The following CSMD2 variants were observed in gnomAD, a reference collection of about 807,000 sequenced individuals.
The protein encoded by CSMD2 is CUB and Sushi multiple domains 2, also known as CUB and sushi domain-containing protein 2.
A neutral mutation model predicts 398.5 loss-of-function variants in CSMD2; 130 were observed. The ratio of observed to expected loss-of-function variants is 0.33; its 90% CI spans 0.28 to 0.38. The LOEUF (loss-of-function observed/expected upper bound fraction) is 0.38, where lower values mean the gene tolerates loss of function less well. Among genes scored for constraint, CSMD2 ranks in the 10% least tolerant of loss-of-function variants. The probability of loss-of-function intolerance (pLI) is 1.00; values close to 1 mark genes in which losing one functional copy is unlikely to be tolerated. For synonymous variants in CSMD2, 1,828 were observed against 1,908.5 expected (o/e 0.96, Z 1.10); for missense variants, 3,829 against 4,764.9 (o/e 0.80, Z 5.78).
At chr1:33,948,352 AATGTCTTACAC>A (rs1644901527) in intron 3 of CSMD2, among the ~76,000 whole-genome samples, 1 of 152,134 alleles carries the variant, frequency 6.6e-6, no homozygotes, top group Non-Finnish European at 1.5e-5. Context: ...AAGACCCAAA[AATGTCTTACAC>A]AGAAACACAG....
intron 40 of CSMD2, among the ~76,000 whole-genome samples, chr1:33,613,377 C>T (rs1010375563): frequency 6.6e-6 from 1 of 152,198 alleles, no homozygotes; most frequent in Non-Finnish European, 1.5e-5. Context: ...ACAGGGTCTC[C>T]CAGATCCTCT....
At chr1:33,860,623 C>A (rs1425428678) in intron 5 of CSMD2, 2 of 152,154 alleles carry the variant, frequency 1.3e-5, no homozygotes, top group Admixed American at 6.5e-5. Flanking sequence ...TTTGTTTAAT[C>A]CTCATGGCTT....
chr1:34,060,294 G>A (rs1327466457), intron 2 of CSMD2, among the ~76,000 whole-genome samples: 1 of 152,228 alleles, frequency 6.6e-6, no homozygotes, highest in Non-Finnish European at 1.5e-5. Context: ...ATGCATAAGT[G>A]TGTGAGGGTG....
At chr1:33,645,221 G>A (rs1643350268) in intron 29 of CSMD2, among the ~76,000 whole-genome samples, 1 of 151,986 alleles carries the variant, frequency 6.6e-6, no homozygotes, top group Non-Finnish European at 1.5e-5. Flanking sequence ...ATTTTAGCTG[G>A]TAATGCGACC....
At chr1:33,849,332 C>A (rs1638530480) in intron 5 of CSMD2, among the ~76,000 whole-genome samples, 1 of 152,156 alleles carries the variant, frequency 6.6e-6, no homozygotes, top group African/African-American at 2.4e-5. Context: ...TGAAAGGAAC[C>A]AGCTACCAAT....
chr1:33,629,523 T>C (rs998940880), intron 32 of CSMD2, among the ~76,000 whole-genome samples: 31 of 152,282 alleles, frequency 2.0e-4, no homozygotes, highest in African/African-American at 7.2e-4. Flanking sequence ...ATCATAACTG[T>C]AATGGGAAAT....
At chr1:33,866,661 CT>C (rs1159806421) in intron 5 of CSMD2, among the ~76,000 whole-genome samples, 1 of 152,192 alleles carries the variant, frequency 6.6e-6, no homozygotes, top group Non-Finnish European at 1.5e-5. Flanking sequence ...GGTCTCACCC[CT>C]CACGGAGAGC....
chr1:33,660,699 C>T (rs1405211445), intron 26 of CSMD2, among the ~76,000 whole-genome samples: 1 of 152,164 alleles, frequency 6.6e-6, no homozygotes, highest in Non-Finnish European at 1.5e-5. Context: ...TGCTACTCTG[C>T]CTAAGCAATG....
intron 10 of CSMD2, chr1:33,804,883 C>G: frequency 1.4e-6 from 1 of 717,352 alleles, no homozygotes; most frequent in Admixed American, 2.0e-5. Context: ...TGTATGTTCC[C>G]TGGGTCTCCT....
Position 33,920,490 on chromosome 1 carries a change from C to T in CSMD2, c.713-2189G>A, listed in dbSNP as rs145007514. On this transcript the variant is annotated intron_variant, in intron 4 of 70. Transcript: ENST00000373381. ...CCAGGAGGTAGAGTTTGCAGTGAGC[C>T]GAGATTGTGCTATTGCACTCCAGCC... Among the ~76,000 whole-genome samples, 393 of 138,180 alleles carry T rather than the reference C, an allele frequency of 2.8e-3. 1 individual carries two copies. Among genetic ancestry groups the T allele is most frequent in the African/African-American group, 9.7e-3 (363 of 37,492 alleles). 90.7% of individuals were successfully genotyped at this position (138,180 alleles called of 152,430 possible).
chr1:33,887,755 T>C (rs2125194318), intron 5 of CSMD2, among the ~76,000 whole-genome samples: 1 of 152,230 alleles, frequency 6.6e-6, no homozygotes. Context: ...ATATAATAAT[T>C]CTGGAGGCAG....
chr1:33,962,589 C>T (rs1645402517), intron 3 of CSMD2, among the ~76,000 whole-genome samples: 2 of 152,160 alleles, frequency 1.3e-5, no homozygotes. Context: ...GAGGAAATGC[C>T]AGGTCCTTCC....
chr1:33,576,384 A>C (rs1489939057), intron 49 of CSMD2, among the ~76,000 whole-genome samples: 1 of 152,208 alleles, frequency 6.6e-6, no homozygotes, highest in Admixed American at 6.5e-5. Context: ...TGAGGTCAGC[A>C]GTTTGAGACC....
chr1:33,545,805 TC>T (rs1330210968), intron 57 of CSMD2, among the ~76,000 whole-genome samples: 3 of 152,174 alleles, frequency 2.0e-5, no homozygotes, highest in African/African-American at 7.2e-5. Context: ...TGGGTCAAAT[TC>T]AGTCTTTTTT....
chr1:33,765,170 T>C (rs1450312180), intron 13 of CSMD2, among the ~76,000 whole-genome samples: 3 of 152,184 alleles, frequency 2.0e-5, no homozygotes, highest in South Asian at 4.1e-4. Flanking sequence ...GGAGTGCACA[T>C]ACAAAAATCC....
intron 44 of CSMD2, among the ~76,000 whole-genome samples, chr1:33,598,537 G>A (rs1639984998): frequency 6.6e-6 from 1 of 152,198 alleles, no homozygotes; most frequent in Non-Finnish European, 1.5e-5. Flanking sequence ...CACAGTTCTA[G>A]AGGCTGGGAA....
chr1:33,944,313 C>T (rs550064395), intron 3 of CSMD2, among the ~76,000 whole-genome samples: 64 of 151,850 alleles, frequency 4.2e-4, no homozygotes, highest in African/African-American at 1.4e-3. Context: ...GACTGTGGGG[C>T]GAGTGGGCTG....
chr1:33,624,482 G>A lies in CSMD2; in HGVS notation c.5625+37C>T, dbSNP rs564701858. On this transcript the variant is annotated intron_variant, in intron 35 of 70. Transcript: ENST00000373381. This position sits in a 1 kb window ranked among gnomAD's most constrained non-coding sequence, Gnocchi z 4.7. ...TGTGAGCTGTTACCTGGGAGCAGAC[G>A]GCCACCTGCCCGACCGAGGCGCCCC... is the stretch of plus-strand genomic sequence containing the variant. 223 of 1,608,232 alleles carry A rather than the reference G, an allele frequency of 1.4e-4. 7 individuals carry two copies. The South Asian group carries it at 2.2e-3, about 16-fold the overall frequency.
intron 52 of CSMD2, 136 bp from the exon 53 acceptor site, chr1:33,567,977 AC>A: frequency 9.6e-7 from 1 of 1,041,882 alleles, no homozygotes; most frequent in Non-Finnish European, 1.4e-6. Context: ...AGGACTTGGC[AC>A]CCCAAATCCC....
Sources: allele counts gnomAD v4.1 joint callset (sites outside exome capture counted in the v4.1 genomes callset), GRCh38; gene constraint gnomAD v4.1.1; non-coding constraint Gnocchi (gnomAD v3.1); transcripts MANE v1.5; gene names NCBI Gene and HGNC (gene_info 2026-07-23, HGNC 2026-07-21).